The following DLG2 variants were observed in gnomAD, a reference collection of about 807,000 sequenced individuals.
The protein encoded by DLG2 is disks large homolog 2.
Under a neutral mutation model 132.5 loss-of-function variants are expected in DLG2, and 45 were observed. The observed-to-expected ratio is 0.34, with a 90% confidence interval of 0.27 to 0.44. DLG2 has a LOEUF of 0.44. Among genes scored for constraint, DLG2 ranks in the 20% least tolerant of loss-of-function variants. DLG2 has a pLI of 1.00. For synonymous variants in DLG2, 424 were observed against 419.6 expected (o/e 1.01, Z -0.13); for missense variants, 1,045 against 1,196.9 (o/e 0.87, Z 1.87).
intron 4 of DLG2, among the ~76,000 whole-genome samples, chr11:85,222,242 A>G (rs1345756183): frequency 1.3e-5 from 2 of 152,186 alleles, no homozygotes; most frequent in Non-Finnish European, 2.9e-5. Flanking sequence ...CTGGTATTAC[A>G]GGCATGAGCC....
At chr11:85,037,773 A>C (rs948341568) in intron 6 of DLG2, among the ~76,000 whole-genome samples, 1 of 152,168 alleles carries the variant, frequency 6.6e-6, no homozygotes, top group African/African-American at 2.4e-5. Context: ...AAATTAACCT[A>C]AATGTAGGGG....
At chr11:84,673,673 G>T (rs1260339550) in intron 6 of DLG2, among the ~76,000 whole-genome samples, 1 of 149,682 alleles carries the variant, frequency 6.7e-6, no homozygotes, top group Non-Finnish European at 1.5e-5. Context: ...ACAAAAATAA[G>T]AATTTTCCAT....
chr11:84,543,990 T>C (rs986002105), intron 6 of DLG2, among the ~76,000 whole-genome samples: 2 of 152,356 alleles, frequency 1.3e-5, no homozygotes, highest in African/African-American at 4.8e-5. Context: ...TTACCTACTA[T>C]GGACTAGCTG....
chr11:83,872,161 G>A (rs1483063726), intron 16 of DLG2, among the ~76,000 whole-genome samples: 2 of 152,294 alleles, frequency 1.3e-5, no homozygotes, highest in East Asian at 3.9e-4. Context: ...TATTCGGGAG[G>A]CTGAGGCCGG....
chr11:85,101,024 G>T (rs2152274320), intron 6 of DLG2, among the ~76,000 whole-genome samples: 1 of 152,220 alleles, frequency 6.6e-6, no homozygotes, highest in South Asian at 2.1e-4. Context: ...TTTTTTATGT[G>T]TTGACTCATG....
At chr11:84,235,720 A>T (rs932475079) in intron 8 of DLG2, among the ~76,000 whole-genome samples, 1 of 152,142 alleles carries the variant, frequency 6.6e-6, no homozygotes, top group Non-Finnish European at 1.5e-5. Flanking sequence ...TGTCTCCTTC[A>T]GTCTGTTAAA....
At chr11:84,929,614 G>A (rs997436125) in intron 6 of DLG2, among the ~76,000 whole-genome samples, 3 of 152,074 alleles carry the variant, frequency 2.0e-5, no homozygotes, top group Admixed American at 1.3e-4. Flanking sequence ...TTTTGGTAAA[G>A]TTCTGAGTAA....
intron 7 of DLG2, among the ~76,000 whole-genome samples, chr11:84,429,600 G>A (rs1195512669): frequency 6.6e-6 from 1 of 152,146 alleles, no homozygotes; most frequent in Non-Finnish European, 1.5e-5. Context: ...GATATTTGAG[G>A]AAATAAGACT....
intron 3 of DLG2, among the ~76,000 whole-genome samples, chr11:85,349,049 C>A (rs940552773): frequency 6.6e-6 from 1 of 152,122 alleles, no homozygotes; most frequent in African/African-American, 2.4e-5. Flanking sequence ...CCAGAAACAC[C>A]AGTTCAGGCC....
chr11:85,221,420 TAGAC>T (rs2074638530), intron 4 of DLG2, among the ~76,000 whole-genome samples: 2 of 152,168 alleles, frequency 1.3e-5, no homozygotes, highest in African/African-American at 4.8e-5. Flanking sequence ...CATAGAGTAT[TAGAC>T]AGATAGAATA....
At chr11:85,426,484 T>C (rs565132679) in intron 3 of DLG2, among the ~76,000 whole-genome samples, 1 of 152,350 alleles carries the variant, frequency 6.6e-6, no homozygotes, top group East Asian at 1.9e-4. Context: ...TCCGCTGTTC[T>C]GCAGCTTCCA....
rs201044252 is a variant in DLG2 at position 83,780,955 on chromosome 11, ACT to A, written c.1825+5733_1825+5734del. Reference sequence around the variant, plus strand: ...AGTATGTTAGGGCAACGCCTCACAAACTCTAATGTGCATACAAGTTATCTGGG... The same window carrying A: ...AGTATGTTAGGGCAACGCCTCACAAACTAATGTGCATACAAGTTATCTGGG... On this transcript the variant is annotated intron_variant, in intron 18 of 27. Coordinates refer to ENST00000376104, the MANE Select transcript of DLG2 (RefSeq NM_001142699.3). Among the ~76,000 whole-genome samples the A allele has an allele frequency of 7.0e-3, 1,063 of 152,224 alleles. 16 individuals are homozygous for A. The highest frequency in any genetic ancestry group is 0.024 in the African/African-American group (1,016 of 41,526).
chr11:84,996,222 T>C (rs1443540667), intron 6 of DLG2, among the ~76,000 whole-genome samples: 1 of 152,178 alleles, frequency 6.6e-6, no homozygotes, highest in Non-Finnish European at 1.5e-5. Context: ...TTGGAATTTG[T>C]ACTTTTTAAT....
Position 84,589,279 on chromosome 11 carries a change from T to G in DLG2, c.358-54548A>C, listed in dbSNP as rs1056527111. On this transcript the variant is annotated intron_variant, in intron 6 of 27. Coordinates refer to ENST00000376104, the MANE Select transcript of DLG2 (RefSeq NM_001142699.3). ...TATTTGAGAGTTGCCTGTGGAGAAG[T>G]CAACACCTAGAGAATGGGATTCTCA... 1.3e-5 allele frequency among the ~76,000 whole-genome samples: 2 copies of G among 152,240 alleles called. 1 individual carries two copies. Among genetic ancestry groups the G allele is most frequent in the South Asian group, 4.1e-4 (2 of 4,822 alleles).
intron 10 of DLG2, among the ~76,000 whole-genome samples, chr11:84,087,844 G>A (rs1201207243): frequency 6.6e-6 from 1 of 152,204 alleles, no homozygotes; most frequent in Non-Finnish European, 1.5e-5. Context: ...ATCTCAGTGA[G>A]TCTGATTTTG....
intron 17 of DLG2, among the ~76,000 whole-genome samples, chr11:83,825,167 ATATATTTT>A (rs2052266642): frequency 1.1e-5 from 1 of 90,736 alleles, no homozygotes; most frequent in African/African-American, 5.3e-5. Flanking sequence ...ATATATATAT[ATATATTTT>A]TTTTTTTTTT....
At chr11:84,798,107 G>A (rs1350195273) in intron 6 of DLG2, among the ~76,000 whole-genome samples, 1 of 152,136 alleles carries the variant, frequency 6.6e-6, no homozygotes, top group African/African-American at 2.4e-5. Flanking sequence ...GACTGGAACT[G>A]CCCTGGGTCA....
intron 6 of DLG2, among the ~76,000 whole-genome samples, chr11:85,046,512 C>T (rs2062362404): frequency 6.6e-6 from 1 of 151,820 alleles, no homozygotes; most frequent in South Asian, 2.1e-4. Flanking sequence ...TATCTTTCTG[C>T]TTCATTTATC....
chr11:84,112,455 A>G (rs1284404020), intron 9 of DLG2, among the ~76,000 whole-genome samples: 1 of 151,436 alleles, frequency 6.6e-6, no homozygotes, highest in Non-Finnish European at 1.5e-5. Context: ...AATCTTTAAA[A>G]ACTTCTAAAT....
Sources: gnomAD v4.1 joint callset for allele counts (sites outside exome capture counted in the v4.1 genomes callset) on GRCh38, gnomAD v4.1.1 for gene constraint, MANE v1.5 for transcripts, NCBI Gene and HGNC (gene_info 2026-07-23, HGNC 2026-07-21) for gene names.